Variants in TJP2 observed in about 807,000 individuals in gnomAD.
The protein encoded by TJP2 is Friedreich ataxia region gene X104 (tight junction protein ZO-2).
TJP2 carries 91 observed loss-of-function variants against 133.1 expected under a neutral mutation model. The ratio of observed to expected loss-of-function variants is 0.68; its 90% confidence interval spans 0.58 to 0.81. The LOEUF (loss-of-function observed/expected upper bound fraction) is 0.81, where lower values mean the gene tolerates loss of function less well. Among genes scored for constraint, TJP2 ranks in the 40% least tolerant of loss-of-function variants. The pLI, the probability that TJP2 is intolerant of heterozygous loss-of-function variation, is 0.00. For synonymous variants in TJP2, 592 were observed against 583.4 expected (o/e 1.01, Z -0.21); for missense variants, 1,541 against 1,565.6 (o/e 0.98, Z 0.26).
Position 69,254,751 on chromosome 9 carries a change from A to G in TJP2, c.*377A>G. The G allele has an allele frequency of 2.0e-6, 1 of 507,240 alleles. No homozygotes were observed. The highest frequency in any genetic ancestry group is 2.9e-5 in the East Asian group (1 of 33,956). 31.4% of individuals were successfully genotyped at this position (507,240 alleles called of 1,614,324 possible). On this transcript the variant is annotated 3_prime_UTR_variant, in exon 23 of 23. Transcript: ENST00000377245. Reference sequence around the variant, plus strand: ...TTCAAGGACTGTTTCAGTGTGAGTCAGAATGTGAAAAAGGAATAAAAAATA... The same window carrying G: ...TTCAAGGACTGTTTCAGTGTGAGTCGGAATGTGAAAAAGGAATAAAAAATA...
At chr9:69,196,458 A>G (rs1470512924) in intron 1 of TJP2, among the ~76,000 whole-genome samples, 1 of 152,186 alleles carries the variant, frequency 6.6e-6, no homozygotes. Flanking sequence ...AACCTTAGAG[A>G]GGTGGGTCTT....
chr9:69,224,376 T>G (rs1829157456), intron 5 of TJP2, among the ~76,000 whole-genome samples: 1 of 152,176 alleles, frequency 6.6e-6, no homozygotes, highest in Non-Finnish European at 1.5e-5. Context: ...CCCAACATTT[T>G]ATTTGAAAAG....
chr9:69,250,050 CTA>C (rs1270920297), intron 20 of TJP2, among the ~76,000 whole-genome samples: 2 of 152,162 alleles, frequency 1.3e-5, no homozygotes, highest in Admixed American at 1.3e-4. Context: ...AGCTGTGACT[CTA>C]TGTTTTTCCT....
intron 1 of TJP2, among the ~76,000 whole-genome samples, chr9:69,175,458 T>C (rs932217517): frequency 1.3e-5 from 2 of 152,230 alleles, no homozygotes; most frequent in Admixed American, 6.5e-5. Context: ...GAAAGAGATG[T>C]AATTTTCTGA....
At chr9:69,163,421 A>G (rs1048523524) in intron 2 of TJP2, among the ~76,000 whole-genome samples, 3 of 152,112 alleles carry the variant, frequency 2.0e-5, no homozygotes, top group Admixed American at 6.5e-5. Flanking sequence ...GGATTGCCTC[A>G]GTTCAGGAAT....
At chr9:69,145,882 A>T in intron 1 of TJP2, 2 of 1,071,338 alleles carry the variant, frequency 1.9e-6, no homozygotes, top group Non-Finnish European at 2.4e-6. Flanking sequence ...TGTTTTGGGG[A>T]CCCATATAGA....
In TJP2 at chr9:69,236,949, A is replaced by G. The variant is rs1397035774; in HGVS notation, c.1992A>G (p.Arg664=). The change falls in exon 14 of 23, where the codon AGA becomes AGG. Residue 664 remains arginine (R), a splice_region_variant and synonymous_variant. Transcript: ENST00000377245. ...TTTACTTCCCGTGGTTTCTTCTCAG[A>G]GCTGAACAAATGGCCAGTGTTCAAA... ...LEKGLIPNKS[R]AEQMASVQNA... The G allele has an allele frequency of 2.5e-6, 4 of 1,614,194 alleles. No individual in the cohort carries two copies. The highest frequency in any genetic ancestry group is 4.5e-5 in the East Asian group (2 of 44,888).
chr9:69,145,367 C>T (rs927685656), intron 1 of TJP2, among the ~76,000 whole-genome samples: 1 of 152,164 alleles, frequency 6.6e-6, no homozygotes, highest in African/African-American at 2.4e-5. Flanking sequence ...GCCATTAGTT[C>T]TTGAAGGATT....
chr9:69,216,413 A>C lies in TJP2; in HGVS notation c.189A>C (p.Ser63=). Reference sequence around the variant, plus strand: ...CCCACTTTGAAAATGGAGAAACGTCAATTGTCATTTCTGATGTGCTCCCGG... The same window carrying C: ...CCCACTTTGAAAATGGAGAAACGTCCATTGTCATTTCTGATGTGCTCCCGG... ...DNPHFENGET[S]IVISDVLPGG... is the part of the protein sequence containing the mutation. The change falls in exon 3 of 23, where the codon TCA becomes TCC. Residue 63 remains serine (S), a synonymous_variant. Coordinates refer to ENST00000377245, the MANE Select transcript of TJP2 (RefSeq NM_004817.4). 1 of 1,614,206 alleles carries C rather than the reference A, an allele frequency of 6.2e-7. No individual in the cohort carries two copies. Among genetic ancestry groups the C allele is most frequent in the Non-Finnish European group, 8.5e-7 (1 of 1,180,044 alleles).
intron 1 of TJP2, among the ~76,000 whole-genome samples, chr9:69,131,260 G>A (rs1441860533): frequency 1.3e-5 from 2 of 152,156 alleles, no homozygotes; most frequent in African/African-American, 4.8e-5. Flanking sequence ...ATAGCTTTAG[G>A]CATGCAGTCA....
At chr9:69,206,932 AT>A (rs1213261084) in intron 1 of TJP2, among the ~76,000 whole-genome samples, 38 of 152,302 alleles carry the variant, frequency 2.5e-4, no homozygotes, top group African/African-American at 9.1e-4. Flanking sequence ...AGAATTAAAT[AT>A]CTAAATCATG....
chr9:69,148,921 G>A (rs1823342626), intron 1 of TJP2, among the ~76,000 whole-genome samples: 1 of 152,140 alleles, frequency 6.6e-6, no homozygotes, highest in South Asian at 2.1e-4. Context: ...GAGAAAGATA[G>A]AATAAAAATA....
chr9:69,223,561 C>A (rs1829085504), intron 5 of TJP2, among the ~76,000 whole-genome samples: 1 of 152,214 alleles, frequency 6.6e-6, no homozygotes, highest in African/African-American at 2.4e-5. Context: ...CCCACCTCAG[C>A]CTCCCGAAGT....
intron 2 of TJP2, among the ~76,000 whole-genome samples, chr9:69,158,490 C>G (rs760441102): frequency 2.0e-5 from 3 of 152,086 alleles, no homozygotes; most frequent in Non-Finnish European, 4.4e-5. Context: ...ACTTAGAGGC[C>G]CAGTAAGTGG....
At chr9:69,172,856 A>G (rs958527263), upstream of TJP2, among the ~76,000 whole-genome samples, 1 of 152,152 alleles carries the variant, frequency 6.6e-6, no homozygotes, top group African/African-American at 2.4e-5. Context: ...TACAGGCATG[A>G]GCCACCGTGC....
At chr9:69,247,825 C>T (rs1385039073) in intron 18 of TJP2, among the ~76,000 whole-genome samples, 187 bp from the exon 19 acceptor site, 4 of 152,010 alleles carry the variant, frequency 2.6e-5, no homozygotes, top group African/African-American at 9.7e-5. Context: ...AGTTCCTGCA[C>T]AAAAACGACC....
intron 1 of TJP2, among the ~76,000 whole-genome samples, chr9:69,180,810 A>C (rs1201166745): frequency 6.6e-6 from 1 of 152,244 alleles, no homozygotes; most frequent in Non-Finnish European, 1.5e-5. Context: ...ACCCTTCTGC[A>C]GTCTGGCTGA....
intron 2 of TJP2, among the ~76,000 whole-genome samples, chr9:69,167,137 C>T (rs897588989): frequency 6.6e-6 from 1 of 151,828 alleles, no homozygotes; most frequent in African/African-American, 2.4e-5. Context: ...GTTTGGGAGG[C>T]TGAGGCAGGA....
At chr9:69,144,722 A>G (rs904787582) in intron 1 of TJP2, among the ~76,000 whole-genome samples, 3 of 152,180 alleles carry the variant, frequency 2.0e-5, no homozygotes, top group Non-Finnish European at 4.4e-5. Flanking sequence ...TTTCTCAACT[A>G]TTGTAATACT....
Sources: allele counts gnomAD v4.1 joint callset (sites outside exome capture counted in the v4.1 genomes callset), GRCh38; gene constraint gnomAD v4.1.1; transcripts MANE v1.5; gene names NCBI Gene and HGNC (gene_info 2026-07-23, HGNC 2026-07-21).